TENM2: variants seen among roughly 807,000 people sequenced by gnomAD.
TENM2 encodes the protein teneurin-2.
Under a neutral mutation model 245.2 loss-of-function variants are expected in TENM2, and 52 were observed. The observed-to-expected ratio is 0.21, with a 90% CI of 0.17 to 0.27. The LOEUF (loss-of-function observed/expected upper bound fraction) is 0.27. Ranked by LOEUF, TENM2 falls within the 10% of genes least tolerant of loss-of-function variation. The pLI is 1.00. For missense variants in TENM2, 3,046 were observed against 3,666.8 expected, an observed-to-expected ratio of 0.83 and a Z score of 4.37; for synonymous variants, 1,363 against 1,438.9, an observed-to-expected ratio of 0.95 and a Z score of 1.19.
chr5:167,773,028 G>A (rs1763505505), intron 2 of TENM2, among the ~76,000 whole-genome samples: 2 of 152,182 alleles, frequency 1.3e-5, no homozygotes, highest in Admixed American at 6.5e-5. Flanking sequence ...TTGTGATAAA[G>A]AGATTTAAAT....
intron 2 of TENM2, among the ~76,000 whole-genome samples, chr5:167,479,977 G>A (rs113761325): frequency 1.7e-3 from 254 of 152,284 alleles, no homozygotes; most frequent in African/African-American, 5.9e-3. Context: ...AACCCGTCTG[G>A]GAATGGTCCA....
intron 3 of TENM2, among the ~76,000 whole-genome samples, chr5:167,914,939 T>C (rs1445489434): frequency 6.6e-6 from 1 of 152,168 alleles, no homozygotes; most frequent in Non-Finnish European, 1.5e-5. Context: ...CTTCACTAGT[T>C]ACATCTGCAA....
the TENM2 span, among the ~76,000 whole-genome samples, chr5:167,215,890 T>A: frequency 1.3e-5 from 2 of 152,252 alleles, no homozygotes; most frequent in South Asian, 2.1e-4. Flanking sequence ...ATCTTTTTTT[T>A]AAACAGCATT....
intron 3 of TENM2, among the ~76,000 whole-genome samples, chr5:167,879,639 GC>G: frequency 2.0e-5 from 3 of 152,222 alleles, no homozygotes; most frequent in Middle Eastern, 6.8e-3. Context: ...TCTTCTAAAA[GC>G]ACTGGCTTTC....
intron 2 of TENM2, among the ~76,000 whole-genome samples, chr5:167,427,746 A>AGGGAAGGAAGGGAAGGAAGGAAGGAC (rs1763945405): frequency 8.4e-6 from 1 of 118,546 alleles, no homozygotes; most frequent in African/African-American, 3.7e-5. Flanking sequence ...ACGGAAAGGA[A>AGGGAAGGAAGGGAAGGAAGGAAGGAC]GGGAAGGAAG....
chr5:167,547,961 C>T (rs988910729), intron 2 of TENM2, among the ~76,000 whole-genome samples: 8 of 152,224 alleles, frequency 5.3e-5, no homozygotes, highest in Admixed American at 1.3e-4. Flanking sequence ...GGCACTTTCT[C>T]GTAGCAAATC....
chr5:167,214,897 C>G, the TENM2 span, among the ~76,000 whole-genome samples: 46 of 152,242 alleles, frequency 3.0e-4, no homozygotes, highest in African/African-American at 1.1e-3. Context: ...TCATCTTGTC[C>G]CTTTCTTTAG....
chr5:167,307,801 C>A (rs1256992918), intron 1 of TENM2: 1 of 152,182 alleles, frequency 6.6e-6, no homozygotes, highest in Non-Finnish European at 1.5e-5. Context: ...GCCGGAAATT[C>A]TCTCCTTTGC....
At chr5:167,807,480 A>G (rs1464834705) in intron 2 of TENM2, among the ~76,000 whole-genome samples, 1 of 152,192 alleles carries the variant, frequency 6.6e-6, no homozygotes, top group Non-Finnish European at 1.5e-5. Flanking sequence ...AAATAAAATG[A>G]GAAGACACTA....
At chr5:167,645,268 AT>A (rs766414937) in intron 2 of TENM2, among the ~76,000 whole-genome samples, 18 of 152,092 alleles carry the variant, frequency 1.2e-4, no homozygotes, top group Non-Finnish European at 1.9e-4. Context: ...TCAAATTTTC[AT>A]TTTCCCAATC....
intron 2 of TENM2, among the ~76,000 whole-genome samples, chr5:167,570,968 G>A (rs2127659918): frequency 6.6e-6 from 1 of 152,238 alleles, no homozygotes; most frequent in Non-Finnish European, 1.5e-5. Context: ...AACTTATTGA[G>A]TTTTAAGCAT....
the TENM2 span, among the ~76,000 whole-genome samples, chr5:167,074,131 G>A: frequency 2.3e-3 from 347 of 152,150 alleles, no homozygotes; most frequent in African/African-American, 6.8e-3. Context: ...ATTTGAAGTC[G>A]GGACATCTGA....
intron 2 of TENM2, among the ~76,000 whole-genome samples, chr5:167,740,445 C>T (rs1432851771): frequency 1.3e-5 from 2 of 152,164 alleles, no homozygotes; most frequent in Admixed American, 1.3e-4. Flanking sequence ...AGTCAATTGA[C>T]ATTTTGTTGA....
At chr5:167,267,878 C>T in the TENM2 span, among the ~76,000 whole-genome samples, 1 of 152,018 alleles carries the variant, frequency 6.6e-6, no homozygotes, top group Non-Finnish European at 1.5e-5. Context: ...TTTCATATTA[C>T]CTATTGATTT....
the TENM2 span, among the ~76,000 whole-genome samples, chr5:167,068,677 T>A: frequency 6.6e-6 from 1 of 152,192 alleles, no homozygotes; most frequent in Non-Finnish European, 1.5e-5. Flanking sequence ...AGTGTAGACC[T>A]GGGGCTTGAA....
intron 5 of TENM2, among the ~76,000 whole-genome samples, chr5:168,018,391 CCT>C (rs1785846025): frequency 8.1e-6 from 1 of 122,732 alleles, no homozygotes; most frequent in Admixed American, 7.7e-5. Context: ...TTTTTTTTTT[CCT>C]CTTTCTTTTT....
At chr5:168,216,517 G>A (rs898482116) in intron 21 of TENM2, among the ~76,000 whole-genome samples, 1 of 152,322 alleles carries the variant, frequency 6.6e-6, no homozygotes, top group South Asian at 2.1e-4. Flanking sequence ...CAAGGAGCAT[G>A]CTTTCGTCAG....
chr5:168,041,435 ACTC>A (rs1310614949), intron 5 of TENM2, among the ~76,000 whole-genome samples: 3 of 150,246 alleles, frequency 2.0e-5, no homozygotes, highest in Non-Finnish European at 4.4e-5. Flanking sequence ...TTCACCCACC[ACTC>A]CTCCTTCTCA....
chr5:168,154,028 C>G (rs767670782), intron 12 of TENM2, among the ~76,000 whole-genome samples: 1 of 151,638 alleles, frequency 6.6e-6, no homozygotes, highest in Non-Finnish European at 1.5e-5. Flanking sequence ...CCAGTGCAAC[C>G]GGGTGATAAC....
Sources: allele counts gnomAD v4.1 joint callset (sites outside exome capture counted in the v4.1 genomes callset), GRCh38; gene constraint gnomAD v4.1.1; transcripts MANE v1.5; gene names NCBI Gene and HGNC (gene_info 2026-07-23, HGNC 2026-07-21).